MBD5: variants seen among roughly 807,000 people sequenced by gnomAD.
MBD5 encodes methyl-CpG binding domain protein 5, also known as methyl-CpG-binding domain protein 5.
In MBD5, 13 loss-of-function variants were observed where a neutral mutation model predicts 117.3. The observed-to-expected ratio is 0.11, with a 90% CI of 0.07 to 0.18. The LOEUF (loss-of-function observed/expected upper bound fraction) is 0.18. MBD5 is among the 10% of genes least tolerant of loss of function. The pLI, the probability that MBD5 is intolerant of heterozygous loss-of-function variation, is 1.00. For missense variants in MBD5, 1,879 were observed against 2,093.8 expected, an observed-to-expected ratio of 0.90 and a Z score of 2.00; for synonymous variants, 727 against 766.4, an observed-to-expected ratio of 0.95 and a Z score of 0.85.
At chr2:148,466,059 T>C (rs1230081059) in intron 7 of MBD5, among the ~76,000 whole-genome samples, 1 of 152,148 alleles carries the variant, frequency 6.6e-6, no homozygotes, top group Non-Finnish European at 1.5e-5. Flanking sequence ...AAAATGATAC[T>C]CTTTATGGGA....
chr2:148,296,451 T>A (rs1701651032), intron 3 of MBD5: 1 of 155,106 alleles, frequency 6.4e-6, no homozygotes, highest in South Asian at 2.0e-4. Flanking sequence ...TCTTGTATGC[T>A]AGAACTTTTT....
chr2:148,232,673 A>G (rs1700018230), intron 2 of MBD5, among the ~76,000 whole-genome samples: 1 of 149,814 alleles, frequency 6.7e-6, no homozygotes, highest in Non-Finnish European at 1.5e-5. Flanking sequence ...TGGTAGAGAC[A>G]TAGTCTCACT....
chr2:148,381,109 C>T (rs1430989634), intron 4 of MBD5, among the ~76,000 whole-genome samples: 1 of 152,104 alleles, frequency 6.6e-6, no homozygotes, highest in Non-Finnish European at 1.5e-5. Context: ...CGGAACAAAG[C>T]TGGACAGAGA....
chr2:148,047,201 T>G (rs1694557223), intron 1 of MBD5, among the ~76,000 whole-genome samples: 1 of 152,240 alleles, frequency 6.6e-6, no homozygotes, highest in African/African-American at 2.4e-5. Context: ...CTCATTTAAC[T>G]TTTATGATCA....
At chr2:148,449,323 C>A (rs1424569804) in intron 4 of MBD5, among the ~76,000 whole-genome samples, 4 of 152,030 alleles carry the variant, frequency 2.6e-5, no homozygotes, top group Non-Finnish European at 5.9e-5. Flanking sequence ...TTAACCTGAA[C>A]TTCTCTGCCT....
At chr2:148,359,224 A>C (rs1703463332) in intron 4 of MBD5, among the ~76,000 whole-genome samples, 1 of 150,278 alleles carries the variant, frequency 6.7e-6, no homozygotes, top group South Asian at 2.1e-4. Flanking sequence ...GCATTATCAC[A>C]CCACTGCACT....
chr2:148,263,793 T>C (rs984192867), intron 3 of MBD5, among the ~76,000 whole-genome samples: 5 of 152,212 alleles, frequency 3.3e-5, no homozygotes, highest in Non-Finnish European at 5.9e-5. Flanking sequence ...AGTTCAGTAA[T>C]GATTTAAGTT....
intron 4 of MBD5, among the ~76,000 whole-genome samples, chr2:148,438,771 C>T (rs1476022221): frequency 1.3e-5 from 2 of 152,078 alleles, no homozygotes; most frequent in Non-Finnish European, 2.9e-5. Context: ...TTCTGATGTC[C>T]AAAGCAGCAA....
chr2:148,229,069 T>C (rs984467434), intron 2 of MBD5, among the ~76,000 whole-genome samples: 2 of 152,162 alleles, frequency 1.3e-5, no homozygotes, highest in Non-Finnish European at 2.9e-5. Context: ...AGCTCCTGGA[T>C]TCATTGATTT....
intron 4 of MBD5, among the ~76,000 whole-genome samples, chr2:148,426,822 A>G (rs1238514858): frequency 6.6e-6 from 1 of 152,084 alleles, no homozygotes; most frequent in Non-Finnish European, 1.5e-5. Context: ...AAACTAAAGA[A>G]CTTCTACCCA....
At chr2:148,158,760 G>T (rs552844117) in intron 1 of MBD5, among the ~76,000 whole-genome samples, 19 of 152,236 alleles carry the variant, frequency 1.2e-4, no homozygotes, top group African/African-American at 4.1e-4. Context: ...CGCTGTGTCT[G>T]CCAGGCTGGA....
intron 1 of MBD5, among the ~76,000 whole-genome samples, chr2:148,090,102 C>T (rs1695897852): frequency 6.6e-6 from 1 of 151,878 alleles, no homozygotes. Flanking sequence ...TGGATAAATT[C>T]CTGGAAATAT....
chr2:148,478,534 G>A (rs1413073679), intron 8 of MBD5, among the ~76,000 whole-genome samples: 2 of 152,100 alleles, frequency 1.3e-5, no homozygotes, highest in Non-Finnish European at 2.9e-5. Flanking sequence ...CTCCAGCCTG[G>A]GCAACAGAGT....
intron 8 of MBD5, among the ~76,000 whole-genome samples, chr2:148,475,267 C>G (rs1292641364): frequency 6.6e-6 from 1 of 152,046 alleles, no homozygotes; most frequent in Non-Finnish European, 1.5e-5. Flanking sequence ...CAGAACTATA[C>G]TAAATTCTGG....
At chr2:148,292,273 G>A (rs964748096) in intron 3 of MBD5, among the ~76,000 whole-genome samples, 1 of 152,132 alleles carries the variant, frequency 6.6e-6, no homozygotes, top group Non-Finnish European at 1.5e-5. Context: ...AGAAAGTGAA[G>A]AGACAACAAA....
intron 8 of MBD5, among the ~76,000 whole-genome samples, chr2:148,482,613 T>C (rs1029028984): frequency 1.3e-5 from 2 of 152,220 alleles, no homozygotes; most frequent in African/African-American, 4.8e-5. Flanking sequence ...TTTTCTGCCT[T>C]ATATTTTTAT....
chr2:148,158,509 C>T (rs933349352), intron 1 of MBD5, among the ~76,000 whole-genome samples: 4 of 152,058 alleles, frequency 2.6e-5, no homozygotes, highest in Admixed American at 2.0e-4. Flanking sequence ...CTTCGTGGTA[C>T]GAAGAGCCAG....
Position 148,262,647 on chromosome 2 carries a change from A to G in MBD5, c.-680+29252A>G, listed in dbSNP as rs73964466. The stretch of plus-strand genomic sequence containing the variant: ...GTAATTTGTCCAAGGTCATATACCA[A>G]GGTCGTATATGAAAAGGCAATGCTG... On this transcript the variant is annotated intron_variant, in intron 3 of 13. Transcript: ENST00000642680. Among the ~76,000 whole-genome samples the G allele has an allele frequency of 6.0e-3, 918 of 152,340 alleles. 8 individuals carry two copies. The highest frequency in any genetic ancestry group is 0.021 in the African/African-American group (856 of 41,588).
chr2:148,166,575 C>T (rs549810851), intron 1 of MBD5, among the ~76,000 whole-genome samples: 82 of 152,308 alleles, frequency 5.4e-4, no homozygotes, highest in African/African-American at 1.9e-3. Context: ...CCTCCTTTTC[C>T]TACATCACTG....
Sources: gnomAD v4.1 joint callset for allele counts (sites outside exome capture counted in the v4.1 genomes callset) on GRCh38, gnomAD v4.1.1 for gene constraint, MANE v1.5 for transcripts, NCBI Gene and HGNC (gene_info 2026-07-23, HGNC 2026-07-21) for gene names.